Variants in NRG1 observed in about 807,000 individuals in gnomAD.
NRG1 encodes the protein neuregulin 1.
NRG1 carries 18 observed loss-of-function variants against 63.8 expected under a neutral mutation model. The observed-to-expected ratio is 0.28, with a 90% CI of 0.19 to 0.42. The LOEUF (loss-of-function observed/expected upper bound fraction) is 0.42. NRG1 is among the 10% of genes least tolerant of loss of function. The probability of loss-of-function intolerance (pLI) is 1.00; values close to 1 mark genes in which losing one functional copy is unlikely to be tolerated. For synonymous variants in NRG1, 302 were observed against 301.3 expected (o/e 1.00, Z -0.02); for missense variants, 762 against 814.7 (o/e 0.94, Z 0.79).
intron 1 of NRG1, among the ~76,000 whole-genome samples, chr8:32,284,114 A>T (rs1055916929): frequency 6.6e-6 from 1 of 152,146 alleles, no homozygotes; most frequent in Non-Finnish European, 1.5e-5. Flanking sequence ...TCTCTCCTTG[A>T]CTAGGCTTCA....
chr8:32,760,871 C>G, intron 11 of NRG1: 9 of 1,000,436 alleles, frequency 9.0e-6, no homozygotes, highest in Non-Finnish European at 9.6e-6. Flanking sequence ...TCAGTTAAGT[C>G]AAATCAAGGG....
chr8:32,587,901 A>G (rs964423044), intron 1 of NRG1, among the ~76,000 whole-genome samples: 1 of 146,156 alleles, frequency 6.8e-6, no homozygotes, highest in African/African-American at 2.5e-5. Flanking sequence ...CTGTTTGTAC[A>G]TGTGGGTTTT....
intron 1 of NRG1, among the ~76,000 whole-genome samples, chr8:32,456,550 A>C (rs150781459): frequency 9.2e-5 from 14 of 152,302 alleles, no homozygotes; most frequent in Middle Eastern, 3.4e-3. Flanking sequence ...ACTTCCACTT[A>C]ATTATTAGTA....
At chr8:32,760,281 C>T (rs1432364202) in exon 11 of NRG1, 1 of 1,614,110 alleles carries the variant, frequency 6.2e-7, no homozygotes, top group Admixed American at 1.7e-5. Flanking sequence ...ACAGTAGGCA[C>T]AGCAGCCCAA....
intron 1 of NRG1, among the ~76,000 whole-genome samples, chr8:32,440,008 T>TTA (rs1005772263): frequency 4.9e-4 from 75 of 152,212 alleles, no homozygotes; most frequent in African/African-American, 1.8e-3. Context: ...GGAAAGCAGG[T>TTA]TAAATTGATT....
At chr8:32,073,783 G>T (rs1037479809) in intron 1 of NRG1, among the ~76,000 whole-genome samples, 8 of 152,134 alleles carry the variant, frequency 5.3e-5, no homozygotes, top group Admixed American at 2.0e-4. Context: ...AATGCAGTTA[G>T]GTCATGTAAA....
chr8:31,970,146 G>A (rs1020884484), intron 1 of NRG1, among the ~76,000 whole-genome samples: 2 of 152,064 alleles, frequency 1.3e-5, no homozygotes, highest in African/African-American at 4.8e-5. Context: ...TAGTACCCTG[G>A]CTAGAAAATG....
At chr8:32,159,548 A>AAG (rs1445518104) in intron 1 of NRG1, among the ~76,000 whole-genome samples, 3 of 151,642 alleles carry the variant, frequency 2.0e-5, no homozygotes, top group African/African-American at 7.3e-5. Context: ...CTCAAAAAAA[A>AAG]AAAAAAAAAA....
chr8:31,926,401 G>A (rs945716043), intron 1 of NRG1, among the ~76,000 whole-genome samples: 3 of 151,910 alleles, frequency 2.0e-5, no homozygotes, highest in African/African-American at 7.3e-5. Context: ...CTGGATCTTG[G>A]TCTGTCAAGT....
At chr8:31,975,845 A>G (rs1251512153) in intron 1 of NRG1, among the ~76,000 whole-genome samples, 2 of 152,202 alleles carry the variant, frequency 1.3e-5, no homozygotes, top group East Asian at 3.8e-4. Context: ...GTCTCTCATG[A>G]GACTATATGC....
chr8:32,705,581 C>T (rs1258490147), intron 5 of NRG1, among the ~76,000 whole-genome samples: 2 of 152,148 alleles, frequency 1.3e-5, no homozygotes, highest in Admixed American at 1.3e-4. Context: ...TCTTGATCTA[C>T]TCTTTATTTC....
intron 1 of NRG1, among the ~76,000 whole-genome samples, chr8:32,365,880 G>C (rs1383955456): frequency 6.6e-6 from 1 of 152,092 alleles, no homozygotes; most frequent in African/African-American, 2.4e-5. Context: ...ATATGTCTTG[G>C]TTCCTTTATA....
intron 1 of NRG1, among the ~76,000 whole-genome samples, chr8:31,788,715 G>A (rs1820412588): frequency 6.6e-6 from 1 of 152,148 alleles, no homozygotes; most frequent in Non-Finnish European, 1.5e-5. Flanking sequence ...TACAGTGCTG[G>A]TAACACTACA....
intron 1 of NRG1, among the ~76,000 whole-genome samples, chr8:32,367,922 G>T (rs1808296819): frequency 6.6e-6 from 1 of 152,076 alleles, no homozygotes; most frequent in African/African-American, 2.4e-5. Flanking sequence ...ATTTATTGAA[G>T]AGACCATCCT....
rs114063314 is a variant in NRG1 at position 32,157,999 on chromosome 8, A to C, written c.38-437829A>C. On this transcript the variant is annotated intron_variant, in intron 1 of 10. Transcript: ENST00000519301. ...CCAAACTCTGTCCCGGGATGCTGAC[A>C]TGAACCACGTCAACAGGACTCCCTC... 2.2e-3 allele frequency among the ~76,000 whole-genome samples: 333 copies of C among 152,284 alleles called. 1 individual carries two copies. Among genetic ancestry groups the C allele is most frequent in the African/African-American group, 7.7e-3 (320 of 41,560 alleles).
intron 1 of NRG1, among the ~76,000 whole-genome samples, chr8:31,766,562 A>G (rs1351338014): frequency 1.3e-5 from 2 of 152,192 alleles, no homozygotes; most frequent in African/African-American, 4.8e-5. Flanking sequence ...AAAAATAGAT[A>G]AACAGCTTGG....
intron 1 of NRG1, among the ~76,000 whole-genome samples, chr8:32,303,505 T>C (rs1275947382): frequency 2.0e-5 from 3 of 152,334 alleles, no homozygotes; most frequent in African/African-American, 7.2e-5. Context: ...GGCAATTTCA[T>C]GATTTCTTGT....
chr8:32,241,941 A>G (rs1160224412), intron 1 of NRG1, among the ~76,000 whole-genome samples: 1 of 151,872 alleles, frequency 6.6e-6, no homozygotes, highest in African/African-American at 2.4e-5. Context: ...TTTTGTAGAG[A>G]CAAGTCTTGC....
At chr8:31,668,880 A>G (rs1806820987) in intron 1 of NRG1, among the ~76,000 whole-genome samples, 1 of 152,186 alleles carries the variant, frequency 6.6e-6, no homozygotes, top group African/African-American at 2.4e-5. Flanking sequence ...CAGATTGGGT[A>G]TCTCTTATGG....
Sources: gnomAD v4.1 joint callset for allele counts (sites outside exome capture counted in the v4.1 genomes callset) on GRCh38, gnomAD v4.1.1 for gene constraint, MANE v1.5 for transcripts, NCBI Gene and HGNC (gene_info 2026-07-23, HGNC 2026-07-21) for gene names.